CYTH3: variants seen among roughly 807,000 people sequenced by gnomAD.
The protein encoded by CYTH3 is cytohesin-3.
A neutral mutation model predicts 55.1 loss-of-function variants in CYTH3; 23 were observed. That is an observed-to-expected ratio of 0.42 (90% confidence interval 0.30 to 0.59). The LOEUF (loss-of-function observed/expected upper bound fraction) is 0.59, where lower values mean the gene tolerates loss of function less well. CYTH3 is among the 20% of genes least tolerant of loss of function. The pLI is 0.20. For synonymous variants in CYTH3, 249 were observed against 194.9 expected, an observed-to-expected ratio of 1.28 and a Z score of -2.31; for missense variants, 413 against 524.8, an observed-to-expected ratio of 0.79 and a Z score of 2.08.
intron 1 of CYTH3, among the ~76,000 whole-genome samples, chr7:6,228,650 C>T (rs1583179572): frequency 2.0e-5 from 3 of 152,326 alleles, no homozygotes; most frequent in Admixed American, 2.0e-4. Context: ...TAACATTTCG[C>T]TTCTGGAAAT....
intron 4 of CYTH3, among the ~76,000 whole-genome samples, chr7:6,181,091 A>G (rs191939581): frequency 6.6e-6 from 1 of 152,322 alleles, no homozygotes; most frequent in Admixed American, 6.5e-5. Context: ...TTTGACAAGT[A>G]TTTAAACTTA....
chr7:6,184,289 T>C (rs1380778724), intron 4 of CYTH3, among the ~76,000 whole-genome samples: 2 of 151,856 alleles, frequency 1.3e-5, no homozygotes. Flanking sequence ...CTCAATCTCC[T>C]GACCTCATGA....
At chr7:6,252,437 C>A (rs996356119) in intron 1 of CYTH3, among the ~76,000 whole-genome samples, 1 of 152,098 alleles carries the variant, frequency 6.6e-6, no homozygotes, top group Non-Finnish European at 1.5e-5. Flanking sequence ...AGACTAGTCA[C>A]GAACAAAATT....
At chr7:6,236,810 G>A (rs1017333894) in intron 1 of CYTH3, among the ~76,000 whole-genome samples, 3 of 151,456 alleles carry the variant, frequency 2.0e-5, no homozygotes, top group African/African-American at 4.9e-5. Context: ...TGATCCACCC[G>A]CCTCAGTCTC....
At chr7:6,230,883 AT>A (rs901955074) in intron 1 of CYTH3, among the ~76,000 whole-genome samples, 3 of 152,180 alleles carry the variant, frequency 2.0e-5, no homozygotes, top group East Asian at 1.9e-4. Context: ...ATTTTCTATA[AT>A]TTTTTTAAGA....
chr7:6,191,599 T>TC (rs1243763812), intron 1 of CYTH3, among the ~76,000 whole-genome samples: 2 of 148,726 alleles, frequency 1.3e-5, no homozygotes, highest in Admixed American at 1.3e-4. Flanking sequence ...GACTTTTTTT[T>TC]TTTTTTTTTT....
Position 6,165,355 on chromosome 7 carries a change from G to C in CYTH3, c.1045C>G (p.Arg349Gly). 1.2e-6 allele frequency: 2 copies of C among 1,614,136 alleles called. No homozygotes were observed. Among genetic ancestry groups the C allele is most frequent in the Non-Finnish European group, 1.7e-6 (2 of 1,180,022 alleles). Residue 349 changes from arginine (R) to glycine (G), a missense_variant, in exon 12 of 13, where the codon CGC becomes GGC. Arg to Gly is a moderately radical substitution (Grantham distance 125, BLOSUM62 -2). Coordinates refer to ENST00000350796, the MANE Select transcript of CYTH3 (RefSeq NM_004227.4). Reference sequence around the variant, plus strand: ...ACCACATGGTTCCCCTCTACCACGCGGCCGTCGGCCTCAGTCTTACAGGCC... The same window carrying C: ...ACCACATGGTTCCCCTCTACCACGCCGCCGTCGGCCTCAGTCTTACAGGCC... ...IKACKTEADG[R>G]VVEGNHVVYR...
intron 1 of CYTH3, among the ~76,000 whole-genome samples, chr7:6,238,764 G>GC (rs983412809): frequency 6.6e-6 from 1 of 152,186 alleles, no homozygotes; most frequent in Non-Finnish European, 1.5e-5. Context: ...GGTGTCGACA[G>GC]CCGGGGAAGG....
chr7:6,176,495 T>C (rs974906406), intron 5 of CYTH3, among the ~76,000 whole-genome samples: 9 of 152,032 alleles, frequency 5.9e-5, no homozygotes, highest in African/African-American at 9.7e-5. Context: ...TCTCCTGACC[T>C]TGTGATCTGC....
intron 1 of CYTH3, among the ~76,000 whole-genome samples, chr7:6,210,825 G>A (rs1242430243): frequency 6.6e-6 from 1 of 152,106 alleles, no homozygotes; most frequent in African/African-American, 2.4e-5. Flanking sequence ...GAAAACAGTT[G>A]GGCATATTGC....
At chr7:6,180,931 G>A (rs1300906964) in intron 4 of CYTH3, among the ~76,000 whole-genome samples, 2 of 152,162 alleles carry the variant, frequency 1.3e-5, no homozygotes, top group Non-Finnish European at 2.9e-5. Flanking sequence ...GGTGAGCACT[G>A]ATTAGTTAGC....
At chr7:6,166,197 G>A (rs1188684425) in intron 9 of CYTH3, among the ~76,000 whole-genome samples, 2 of 152,216 alleles carry the variant, frequency 1.3e-5, no homozygotes, top group Non-Finnish European at 2.9e-5. Context: ...CCCTTGGGCA[G>A]CCCTGGGATC....
intron 1 of CYTH3, among the ~76,000 whole-genome samples, chr7:6,208,562 G>A (rs937632116): frequency 6.6e-6 from 1 of 151,940 alleles, no homozygotes; most frequent in Non-Finnish European, 1.5e-5. Context: ...TTTTTGAGAG[G>A]TGCGGCAGGA....
At chr7:6,252,988 T>C (rs1288297788) in intron 1 of CYTH3, among the ~76,000 whole-genome samples, 1 of 152,140 alleles carries the variant, frequency 6.6e-6, no homozygotes, top group Non-Finnish European at 1.5e-5. Flanking sequence ...TCTGAACCAC[T>C]CCGTAACTCC....
chr7:6,164,847 G>T lies in CYTH3; in HGVS notation c.*97C>A. ...TCTGGAGCAGCAGCTTGCACCGCAG[G>T]GCGACTGCCTCCCTGCCACGCCTTC... On this transcript the variant is annotated 3_prime_UTR_variant, in exon 13 of 13. Transcript: ENST00000350796. 7.4e-7 allele frequency: 1 copy of T among 1,358,980 alleles called. No homozygotes were observed. Among genetic ancestry groups the T allele is most frequent in the South Asian group, 1.2e-5 (1 of 83,170 alleles). The allele number at this position is 1,358,980 out of a possible 1,614,324, so 84.2% of individuals were successfully genotyped here. A position where few individuals can be genotyped will look rare whatever the true frequency, so the allele number is the denominator to read the frequency against.
At chr7:6,166,829 G>A (rs1021093595) in intron 9 of CYTH3, among the ~76,000 whole-genome samples, 7 of 152,110 alleles carry the variant, frequency 4.6e-5, no homozygotes, top group African/African-American at 1.4e-4. Flanking sequence ...CCTGCAATGC[G>A]GTTGCCACCG....
chr7:6,166,404 T>C (rs1783010386), intron 9 of CYTH3, among the ~76,000 whole-genome samples: 1 of 152,222 alleles, frequency 6.6e-6, no homozygotes, highest in Non-Finnish European at 1.5e-5. Flanking sequence ...CCGGTGTTTG[T>C]TTTTTAAATA....
At chr7:6,267,293 G>A (rs905524240) in intron 1 of CYTH3, among the ~76,000 whole-genome samples, 9 of 152,074 alleles carry the variant, frequency 5.9e-5, no homozygotes, top group African/African-American at 1.7e-4. Context: ...ATGCAAAAAC[G>A]GCATGACACA....
At chr7:6,240,786 C>T (rs1346181437) in intron 1 of CYTH3, among the ~76,000 whole-genome samples, 1 of 152,004 alleles carries the variant, frequency 6.6e-6, no homozygotes, top group Non-Finnish European at 1.5e-5. Context: ...AATGGCCTTC[C>T]ATTCTAAGTG....
Sources: allele counts gnomAD v4.1 joint callset (sites outside exome capture counted in the v4.1 genomes callset), GRCh38; gene constraint gnomAD v4.1.1; transcripts MANE v1.5; gene names NCBI Gene and HGNC (gene_info 2026-07-23, HGNC 2026-07-21).